TAFA2: variants seen among roughly 807,000 people sequenced by gnomAD.
TAFA2 encodes chemokine-like protein TAFA-2.
A neutral mutation model predicts 18.8 loss-of-function variants in TAFA2; 7 were observed. The observed-to-expected ratio is 0.37, with a 90% CI of 0.21 to 0.70. The LOEUF is 0.70. Among genes scored for constraint, TAFA2 ranks in the 30% least tolerant of loss-of-function variants. The pLI is 0.53. For missense variants in TAFA2, 122 were observed against 158.1 expected (o/e 0.77, Z 1.23); for synonymous variants, 60 against 54.2 (o/e 1.11, Z -0.47).
At chr12:61,798,035 G>T (rs1023426042) in intron 2 of TAFA2, among the ~76,000 whole-genome samples, 2 of 152,116 alleles carry the variant, frequency 1.3e-5, no homozygotes, top group Non-Finnish European at 2.9e-5. Flanking sequence ...AAAAGAACAA[G>T]GTATCAACCA....
intron 1 of TAFA2, among the ~76,000 whole-genome samples, chr12:62,212,839 A>G (rs895511752): frequency 6.6e-6 from 1 of 152,248 alleles, no homozygotes; most frequent in African/African-American, 2.4e-5. Flanking sequence ...TGCATTAATG[A>G]GAGCAAAAAA....
chr12:62,159,759 T>C (rs1565764974), intron 1 of TAFA2, among the ~76,000 whole-genome samples: 1 of 152,122 alleles, frequency 6.6e-6, no homozygotes, highest in African/African-American at 2.4e-5. Flanking sequence ...TGGTACAGTG[T>C]ATACTGCTCG....
At chr12:62,134,465 T>C (rs1870815853) in intron 1 of TAFA2, among the ~76,000 whole-genome samples, 1 of 151,938 alleles carries the variant, frequency 6.6e-6, no homozygotes, top group Non-Finnish European at 1.5e-5. Flanking sequence ...AAGATGGCCA[T>C]CAGCAGATAC....
At chr12:61,712,003 T>A (rs1869432982) in intron 4 of TAFA2, among the ~76,000 whole-genome samples, 1 of 152,038 alleles carries the variant, frequency 6.6e-6, no homozygotes, top group Admixed American at 6.6e-5. Flanking sequence ...TGGACCATAT[T>A]TTCAAAACTA....
intron 4 of TAFA2, among the ~76,000 whole-genome samples, chr12:61,748,368 G>T (rs1369885334): frequency 6.6e-6 from 1 of 152,064 alleles, no homozygotes; most frequent in African/African-American, 2.4e-5. Context: ...GGGCCTGACT[G>T]GAAGTGAGAT....
intron 2 of TAFA2, among the ~76,000 whole-genome samples, chr12:61,780,358 T>C (rs991435411): frequency 6.6e-6 from 1 of 151,752 alleles, no homozygotes; most frequent in Admixed American, 6.6e-5. Flanking sequence ...AAGAAAGCAG[T>C]GTGGAAGGCA....
chr12:62,042,771 A>G (rs1283729389), intron 1 of TAFA2, among the ~76,000 whole-genome samples: 1 of 152,026 alleles, frequency 6.6e-6, no homozygotes, highest in Non-Finnish European at 1.5e-5. Flanking sequence ...TGCCTGCCTC[A>G]TTCCAGCGGG....
chr12:62,202,602 G>A (rs948388881), intron 1 of TAFA2, among the ~76,000 whole-genome samples: 10 of 151,816 alleles, frequency 6.6e-5, no homozygotes, highest in East Asian at 2.0e-4. Context: ...GATTACAGGC[G>A]TGAGCCACTG....
intron 4 of TAFA2, among the ~76,000 whole-genome samples, chr12:61,753,114 T>C (rs1378134420): frequency 6.6e-6 from 1 of 151,986 alleles, no homozygotes. Context: ...CTCTTCCTAG[T>C]AGCCCATTAC....
upstream of TAFA2, among the ~76,000 whole-genome samples, chr12:62,197,239 C>T (rs2062652874): frequency 6.6e-6 from 1 of 152,208 alleles, no homozygotes; most frequent in African/African-American, 2.4e-5. Flanking sequence ...AGGTTGGGGA[C>T]TGCTGCAATA....
chr12:61,809,890 C>A (rs1485611228), intron 2 of TAFA2, among the ~76,000 whole-genome samples: 1 of 151,140 alleles, frequency 6.6e-6, no homozygotes, highest in Non-Finnish European at 1.5e-5. Context: ...TGTTTGAGAC[C>A]ATCAATGTGC....
intron 1 of TAFA2, among the ~76,000 whole-genome samples, chr12:62,066,466 T>A (rs140980617): frequency 3.1e-4 from 47 of 152,042 alleles, no homozygotes; most frequent in African/African-American, 1.1e-3. Context: ...TCACTACTCT[T>A]CCCAGCTACT....
intron 1 of TAFA2, among the ~76,000 whole-genome samples, chr12:62,250,671 A>G (rs1400478789): frequency 6.6e-6 from 1 of 152,110 alleles, no homozygotes; most frequent in African/African-American, 2.4e-5. Flanking sequence ...GGTTTTGGCC[A>G]TTCTCTATGT....
chr12:62,185,573 TA>T (rs1445012759), intron 1 of TAFA2, among the ~76,000 whole-genome samples: 1 of 152,180 alleles, frequency 6.6e-6, no homozygotes, highest in Non-Finnish European at 1.5e-5. Flanking sequence ...CATATAACTA[TA>T]ACAAGGTAAA....
At chr12:61,819,808 T>C (rs918261966) in intron 2 of TAFA2, among the ~76,000 whole-genome samples, 3 of 152,136 alleles carry the variant, frequency 2.0e-5, no homozygotes, top group Non-Finnish European at 4.4e-5. Flanking sequence ...ATGACAAATG[T>C]CCTGGAAGGC....
At chr12:61,925,635 G>C (rs1592491144) in intron 1 of TAFA2, among the ~76,000 whole-genome samples, 1 of 152,140 alleles carries the variant, frequency 6.6e-6, no homozygotes, top group African/African-American at 2.4e-5. Context: ...ATAGCACTAA[G>C]TGCCCACAGG....
intron 1 of TAFA2, among the ~76,000 whole-genome samples, chr12:62,184,436 C>T (rs184112802): frequency 7.9e-5 from 12 of 150,998 alleles, no homozygotes; most frequent in Admixed American, 1.3e-4. Flanking sequence ...AAATATGTCA[C>T]GCTATATTAT....
intron 1 of TAFA2, among the ~76,000 whole-genome samples, chr12:61,926,906 A>T (rs1013211570): frequency 6.6e-5 from 10 of 151,918 alleles, no homozygotes; most frequent in Non-Finnish European, 1.3e-4. Flanking sequence ...TCCTGTCTCT[A>T]CTTTAAAAAA....
chr12:62,090,394 G>T (rs1205823519), intron 1 of TAFA2, among the ~76,000 whole-genome samples: 1 of 151,998 alleles, frequency 6.6e-6, no homozygotes, highest in Non-Finnish European at 1.5e-5. Flanking sequence ...AAATTATACT[G>T]TAAAATTAAA....
Sources: allele counts gnomAD v4.1 joint callset (sites outside exome capture counted in the v4.1 genomes callset), GRCh38; gene constraint gnomAD v4.1.1; transcripts MANE v1.5; gene names NCBI Gene and HGNC (gene_info 2026-07-23, HGNC 2026-07-21).